The following VPS8 variants were observed in gnomAD, a reference collection of about 807,000 sequenced individuals.
VPS8 encodes the protein VPS8 subunit of CORVET complex, also known as vacuolar protein sorting-associated protein 8 homolog.
VPS8 carries 129 observed loss-of-function variants against 216.4 expected under a neutral mutation model. That is an observed-to-expected ratio of 0.60 (90% confidence interval 0.52 to 0.69). The LOEUF (loss-of-function observed/expected upper bound fraction) is 0.69. Among genes scored for constraint, VPS8 ranks in the 30% least tolerant of loss-of-function variants. The pLI, the probability that VPS8 is intolerant of heterozygous loss-of-function variation, is 0.00. For synonymous variants in VPS8, 571 were observed against 565.4 expected (o/e 1.01, Z -0.14); for missense variants, 1,531 against 1,683.5 (o/e 0.91, Z 1.59).
Position 184,996,379 on chromosome 3 carries a change from GT to G in VPS8, c.3715del (p.Ser1239HisfsTer5), listed in dbSNP as rs1356774394. 1 of 1,613,720 alleles carries G rather than the reference GT, an allele frequency of 6.2e-7. No individual in the cohort carries two copies. Among genetic ancestry groups the G allele is most frequent in the Admixed American group, 1.7e-5 (1 of 60,000 alleles). Reference protein sequence around the residue: ...TSLLNQDLHWSLCNLRASVTR... With the variant: ...TSLLNQDLHWXLCNLRASVTR... Reference sequence around the variant, plus strand: ...GCCTTCTAAACCAAGATCTCCATTGGTCATTGTGTAACCTGAGAGCTTCGGT... The same window carrying G: ...GCCTTCTAAACCAAGATCTCCATTGGCATTGTGTAACCTGAGAGCTTCGGT... On this transcript the variant is annotated frameshift_variant, in exon 44 of 48. Coordinates refer to ENST00000625842, the MANE Select transcript of VPS8 (RefSeq NM_001009921.3). LOFTEE classifies it high-confidence loss of function.
chr3:184,830,732 G>C (rs1313462724), intron 3 of VPS8, among the ~76,000 whole-genome samples: 3 of 152,032 alleles, frequency 2.0e-5, no homozygotes, highest in Non-Finnish European at 4.4e-5. Context: ...TTAAGATCTT[G>C]ATGCTGCTGT....
At chr3:185,044,486 C>T (rs1291184496) in intron 46 of VPS8, among the ~76,000 whole-genome samples, 7 of 152,124 alleles carry the variant, frequency 4.6e-5, no homozygotes, top group Admixed American at 2.0e-4. Context: ...TAAAGTGAGC[C>T]GCTGCAGCAG....
intron 21 of VPS8, among the ~76,000 whole-genome samples, chr3:184,884,846 C>G (rs1024672232): frequency 6.6e-6 from 1 of 152,168 alleles, no homozygotes; most frequent in African/African-American, 2.4e-5. Flanking sequence ...ACTTTTGGAC[C>G]TGGGTATTGC....
chr3:184,888,856 A>G (rs554507337), intron 22 of VPS8, among the ~76,000 whole-genome samples: 1 of 152,294 alleles, frequency 6.6e-6, no homozygotes, highest in South Asian at 2.1e-4. Context: ...CCAATACCTG[A>G]TGGTTGAACT....
chr3:184,980,607 C>T (rs1160763812), intron 40 of VPS8, among the ~76,000 whole-genome samples: 1 of 152,068 alleles, frequency 6.6e-6, no homozygotes, highest in African/African-American at 2.4e-5. Flanking sequence ...TTGATCTACT[C>T]TGCTGTTAAT....
At chr3:184,956,092 C>G (rs1259676595) in intron 36 of VPS8, among the ~76,000 whole-genome samples, 1 of 152,108 alleles carries the variant, frequency 6.6e-6, no homozygotes, top group Non-Finnish European at 1.5e-5. Flanking sequence ...GTTTACCCAC[C>G]TCTGGTATCA....
chr3:184,896,895 G>C (rs926064522), intron 23 of VPS8, among the ~76,000 whole-genome samples: 2 of 152,176 alleles, frequency 1.3e-5, no homozygotes, highest in African/African-American at 4.8e-5. Flanking sequence ...TTTTTGAGGA[G>C]GCAGCATTGA....
At chr3:184,997,463 A>C (rs1752763349) in intron 44 of VPS8, among the ~76,000 whole-genome samples, 1 of 152,246 alleles carries the variant, frequency 6.6e-6, no homozygotes, top group Non-Finnish European at 1.5e-5. Flanking sequence ...ATCTGCAGGA[A>C]GATTGGTAGA....
chr3:185,044,293 C>T (rs1315370837), intron 46 of VPS8, among the ~76,000 whole-genome samples: 1 of 152,168 alleles, frequency 6.6e-6, no homozygotes, highest in Admixed American at 6.5e-5. Context: ...CAATTCAGAT[C>T]TGGGCTCCAC....
chr3:184,954,583 TC>T (rs1381647980), intron 36 of VPS8, among the ~76,000 whole-genome samples: 1 of 152,188 alleles, frequency 6.6e-6, no homozygotes, highest in African/African-American at 2.4e-5. Context: ...AATATTATAT[TC>T]CCACATAGAG....
chr3:184,937,721 TG>T (rs1741888420), intron 35 of VPS8, among the ~76,000 whole-genome samples: 1 of 152,100 alleles, frequency 6.6e-6, no homozygotes, highest in Non-Finnish European at 1.5e-5. Flanking sequence ...AAAAAGGTTC[TG>T]GGTATAAAAG....
chr3:184,993,322 G>A (rs1752159623), intron 42 of VPS8, among the ~76,000 whole-genome samples: 2 of 151,646 alleles, frequency 1.3e-5, no homozygotes, highest in Admixed American at 1.3e-4. Flanking sequence ...TTCAGTTTTT[G>A]GTGTGGTTTT....
chr3:185,034,649 G>A (rs1414956606), intron 46 of VPS8, among the ~76,000 whole-genome samples: 2 of 149,074 alleles, frequency 1.3e-5, no homozygotes, highest in African/African-American at 4.9e-5. Context: ...GTTGTTCTGT[G>A]TGTATTGTTG....
chr3:184,871,992 ATT>A (rs2108784438), intron 21 of VPS8, among the ~76,000 whole-genome samples: 1 of 152,248 alleles, frequency 6.6e-6, no homozygotes, highest in South Asian at 2.1e-4. Flanking sequence ...TGCTTATTAA[ATT>A]TATCAGTAGA....
rs1270492979 is a variant in VPS8, at chr3:184,870,799, T to C, written c.1728T>C (p.His576=). 3 of 1,610,504 alleles carry C rather than the reference T, an allele frequency of 1.9e-6. No homozygotes were observed. Among genetic ancestry groups the C allele is most frequent in the Non-Finnish European group, 2.5e-6 (3 of 1,178,254 alleles). The change falls in exon 21 of 48, where the codon CAT becomes CAC. Residue 576 remains histidine, a synonymous_variant. Transcript: ENST00000625842. ...DQGKIQVMEQ[H]FQDMVPVIVD... Reference sequence around the variant, plus strand: ...GAAAAATCCAAGTGATGGAGCAGCATTTTCAGGTACACATTGCATGTGCTT... The same window carrying C: ...GAAAAATCCAAGTGATGGAGCAGCACTTTCAGGTACACATTGCATGTGCTT...
chr3:184,925,194 AATT>A (rs1340244623), intron 30 of VPS8, among the ~76,000 whole-genome samples: 1 of 152,100 alleles, frequency 6.6e-6, no homozygotes, highest in Non-Finnish European at 1.5e-5. Context: ...GTGTTCTCTC[AATT>A]ATTCTGTTGC....
intron 44 of VPS8, among the ~76,000 whole-genome samples, chr3:184,996,912 A>C (rs778817515): frequency 6.6e-6 from 1 of 152,148 alleles, no homozygotes. Context: ...ATAAGAGAAA[A>C]ATGAATCTTT....
At chr3:184,924,813 G>C in intron 29 of VPS8, 49 bp from the exon 30 acceptor site, 1 of 1,160,920 alleles carries the variant, frequency 8.6e-7, no homozygotes. Context: ...TTTTTTTTTT[G>C]CATCAAACCA....
chr3:185,022,083 G>A (rs1756743778), intron 45 of VPS8, among the ~76,000 whole-genome samples: 2 of 152,088 alleles, frequency 1.3e-5, no homozygotes, highest in African/African-American at 2.4e-5. Flanking sequence ...TCATGGGGGC[G>A]GTTACCCTTA....
Sources: gnomAD v4.1 joint callset for allele counts (sites outside exome capture counted in the v4.1 genomes callset) on GRCh38, gnomAD v4.1.1 for gene constraint, MANE v1.5 for transcripts, NCBI Gene and HGNC (gene_info 2026-07-23, HGNC 2026-07-21) for gene names.